DOCK6: variants seen among roughly 807,000 people sequenced by gnomAD.
DOCK6 encodes the protein dedicator of cytokinesis protein 6.
A neutral mutation model predicts 230.3 loss-of-function variants in DOCK6; 167 were observed. The ratio of observed to expected loss-of-function variants is 0.73; its 90% CI spans 0.64 to 0.82. The LOEUF (loss-of-function observed/expected upper bound fraction) is 0.82. DOCK6 is among the 40% of genes least tolerant of loss of function. The pLI is 0.00. For missense variants in DOCK6, 2,598 were observed against 2,825.8 expected (o/e 0.92, Z 1.83); for synonymous variants, 1,148 against 1,185.0 (o/e 0.97, Z 0.64).
At chr19:11,224,841 G>A (rs936738581) in intron 24 of DOCK6, among the ~76,000 whole-genome samples, 2 of 151,996 alleles carry the variant, frequency 1.3e-5, no homozygotes, top group Non-Finnish European at 2.9e-5. Flanking sequence ...GAGGTGGGTG[G>A]ATCACAGGGT....
rs768015409 is a variant in DOCK6 at position 11,233,257 on chromosome 19, G to A, written c.2664C>T (p.Leu888=). 14 of 1,613,794 alleles carry A rather than the reference G, an allele frequency of 8.7e-6. No homozygotes were observed. Among genetic ancestry groups the A allele is most frequent in the Admixed American group, 1.7e-5 (1 of 59,996 alleles). ...CATCCACAGAGCCAGGGGCCACGGC[G>A]AGGTCAGGGTTGCTGCTGCTGATGC... The part of the protein sequence containing the change: ...SKSISSSNPD[L]AVAPGSVDDE... The change falls in exon 22 of 48, where the codon CTC becomes CTT. Residue 888 remains leucine, a synonymous_variant. Coordinates refer to ENST00000294618, the MANE Select transcript of DOCK6 (RefSeq NM_020812.4).
Position 11,236,309 on chromosome 19 carries a change from G to A in DOCK6, c.2392+37C>T. The A allele has an allele frequency of 6.6e-7, 1 of 1,513,228 alleles. No homozygotes were observed. Among genetic ancestry groups the A allele is most frequent in the Non-Finnish European group, 8.9e-7 (1 of 1,117,922 alleles). 93.7% of individuals were successfully genotyped at this position (1,513,228 alleles called of 1,614,324 possible). On this transcript the variant is annotated intron_variant, in intron 20 of 47. Transcript: ENST00000294618. The surrounding 1 kb of genome is among the most constrained non-coding windows in gnomAD (Gnocchi z 5.2). ...GACCTCAGGACTGAGAAGCCATGTG[G>A]ATGGGGAAACTGAGGTCTGAGGCCA...
Position 11,209,034 on chromosome 19 carries a change from G to A in DOCK6, c.4821C>T (p.His1607=), listed in dbSNP as rs746168696. Residue 1607 remains histidine, a synonymous_variant, in exon 38 of 48, where the codon CAC becomes CAT. Transcript: ENST00000294618. ...LTWLQNMAGK[H]AELGNHAEAA... is the part of the protein sequence containing the mutation. ...CCTCGGCGTGGTTGCCCAGCTCCGC[G>A]TGCTTCCCGGCCATGTTCTGCAACC... 1.2e-5 allele frequency: 20 copies of A among 1,611,964 alleles called. No homozygotes were observed. Among genetic ancestry groups the A allele is most frequent in the South Asian group, 5.5e-5 (5 of 90,982 alleles).
intron 24 of DOCK6, among the ~76,000 whole-genome samples, chr19:11,225,028 C>T (rs1163124353): frequency 2.6e-5 from 4 of 151,666 alleles, no homozygotes; most frequent in African/African-American, 9.7e-5. Flanking sequence ...TGCGCCACTG[C>T]ACTCCCGCCT....
intron 1 of DOCK6, among the ~76,000 whole-genome samples, chr19:11,261,590 T>TG (rs1056319389): frequency 2.0e-5 from 3 of 152,100 alleles, no homozygotes; most frequent in African/African-American, 7.2e-5. Flanking sequence ...CCCCGCCAAC[T>TG]GGGGGCGAGG....
rs775046416 is a variant in DOCK6, at chr19:11,222,685, G to A, written c.3240+50C>T. ...AGGGAACCATAGGAGATGGACTGAA[G>A]GTGAGAGGTTGTAGGTCAAAGAGAG... On this transcript the variant is annotated intron_variant, in intron 26 of 47. Transcript: ENST00000294618. This position sits in a 1 kb window ranked among gnomAD's most constrained non-coding sequence, Gnocchi z 4.0. 1 of 1,510,394 alleles carries A rather than the reference G, an allele frequency of 6.6e-7. No individual in the cohort carries two copies. Among genetic ancestry groups the A allele is most frequent in the Non-Finnish European group, 8.9e-7 (1 of 1,117,770 alleles). 93.6% of individuals were successfully genotyped at this position (1,510,394 alleles called of 1,614,324 possible). A position where few individuals can be genotyped will look rare whatever the true frequency, so the allele number is the denominator to read the frequency against.
At position 11,222,460 on chromosome 19, in the gene DOCK6, C is replaced by T. The variant is rs575457405; in HGVS notation, c.3241-212G>A. 63 of 757,282 alleles carry T rather than the reference C, an allele frequency of 8.3e-5. No homozygotes were observed. The South Asian group carries it at 8.7e-4, about 10-fold the overall frequency. 46.9% of individuals were successfully genotyped at this position (757,282 alleles called of 1,614,324 possible). ...AACCCATCTGTGATGTAACAGGGCA[C>T]GGAGTCAAAAGTCAGAGGACTGAGA... is the stretch of plus-strand genomic sequence containing the variant. On this transcript the variant is annotated intron_variant, in intron 26 of 47. Transcript: ENST00000294618. This position sits in a 1 kb window ranked among gnomAD's most constrained non-coding sequence, Gnocchi z 4.0.
chr19:11,212,865 CTT>C (rs34049310), intron 35 of DOCK6, among the ~76,000 whole-genome samples: 338 of 104,438 alleles, frequency 3.2e-3, no homozygotes, highest in Admixed American at 7.5e-3. Context: ...GTGCCTGGCC[CTT>C]TTTTTTTTTT....
intron 24 of DOCK6, among the ~76,000 whole-genome samples, chr19:11,224,234 G>A (rs954224862): frequency 3.4e-5 from 4 of 117,070 alleles, no homozygotes; most frequent in Middle Eastern, 3.9e-3. Context: ...TTTTTGAGAC[G>A]GAGTCTTGCT....
intron 14 of DOCK6, chr19:11,239,985 G>A (rs913309382): frequency 3.2e-6 from 5 of 1,553,128 alleles, no homozygotes; most frequent in Non-Finnish European, 4.4e-6. Context: ...CCAAAGAGGA[G>A]TTCGTGTCTA....
Position 11,235,714 on chromosome 19 carries a change from C to T in DOCK6, c.2438G>A (p.Ser813Asn), listed in dbSNP as rs2147825409. 1.3e-6 allele frequency: 2 copies of T among 1,599,916 alleles called. No homozygotes were observed. Among genetic ancestry groups the T allele is most frequent in the Middle Eastern group, 1.7e-4 (1 of 6,048 alleles). ...TGCCTCCAGGCTCCGGTGAACAAGG[C>T]TGACTACATGGGCCATTGCTTCAAA... ...GAFEAMAHVVSLVHRSLEAAQ... is the reference protein window; with the variant it reads ...GAFEAMAHVVNLVHRSLEAAQ... The change falls in exon 21 of 48, where the codon AGC becomes AAC. Residue 813 changes from serine (S) to asparagine (N), a missense_variant. Physicochemically the swap from Ser to Asn is conservative, Grantham distance 46 (BLOSUM62 1). Coordinates refer to ENST00000294618, the MANE Select transcript of DOCK6 (RefSeq NM_020812.4).
At chr19:11,259,331 A>T (rs901674457) in intron 1 of DOCK6, among the ~76,000 whole-genome samples, 15 of 151,998 alleles carry the variant, frequency 9.9e-5, no homozygotes, top group Admixed American at 9.2e-4. Context: ...CCTGGCCCAA[A>T]ATTTGTAGTT....
chr19:11,236,528 C>A lies in DOCK6; in HGVS notation c.2210G>T (p.Gly737Val). The A allele has an allele frequency of 1.2e-6, 2 of 1,604,028 alleles. No homozygotes were observed. Among genetic ancestry groups the A allele is most frequent in the Non-Finnish European group, 1.7e-6 (2 of 1,175,644 alleles). The change falls in exon 20 of 48, where the codon GGA becomes GTA. Residue 737 changes from glycine to valine, a missense_variant. Gly to Val is a moderately radical substitution (Grantham distance 109, BLOSUM62 -3). Coordinates refer to ENST00000294618, the MANE Select transcript of DOCK6 (RefSeq NM_020812.4). The surrounding 1 kb of genome is among the most constrained non-coding windows in gnomAD (Gnocchi z 5.2). ...FFTLVHVLEE[G>V]AFPFRLKDTV... Reference sequence around the variant, plus strand: ...GTCCTTGAGCCGGAATGGGAAGGCTCCCTCCTCCAGGACGTGCACCAGGGT... The same window carrying A: ...GTCCTTGAGCCGGAATGGGAAGGCTACCTCCTCCAGGACGTGCACCAGGGT...
At chr19:11,249,882 G>A (rs1320714114) in intron 6 of DOCK6, among the ~76,000 whole-genome samples, 18 of 105,402 alleles carry the variant, frequency 1.7e-4, no homozygotes, top group African/African-American at 5.6e-4. Context: ...TGGGCGACAA[G>A]AGCGAGACTC....
At chr19:11,231,553 A>G (rs1037080919) in intron 22 of DOCK6, among the ~76,000 whole-genome samples, 2 of 152,156 alleles carry the variant, frequency 1.3e-5, no homozygotes, top group Admixed American at 1.3e-4. Flanking sequence ...CTCAGCCCTA[A>G]CTCAAGCACA....
At chr19:11,250,585 C>A (rs1445313508) in intron 6 of DOCK6, among the ~76,000 whole-genome samples, 2 of 152,070 alleles carry the variant, frequency 1.3e-5, no homozygotes, top group Admixed American at 6.5e-5. Context: ...GCTGGGATTA[C>A]GGGCATGAGC....
intron 1 of DOCK6, among the ~76,000 whole-genome samples, chr19:11,260,882 CA>C (rs59900669): frequency 4.4e-4 from 27 of 61,746 alleles, no homozygotes; most frequent in South Asian, 8.6e-4. Flanking sequence ...GACTCTGTCT[CA>C]AAAAAAAAAA....
intron 13 of DOCK6, among the ~76,000 whole-genome samples, chr19:11,242,835 C>T (rs1336042370): frequency 1.3e-5 from 2 of 152,158 alleles, no homozygotes; most frequent in Non-Finnish European, 2.9e-5. Context: ...CCCTGCCTGC[C>T]CCGCTGCCAT....
In DOCK6 at chr19:11,215,915, A is replaced by C; in HGVS notation, c.3907T>G (p.Phe1303Val). ...AATGTGAGGCTGTTGATGCGTTCAA[A>C]GGCCTTTTTCCCCTGGGGGTGCAGA... is the stretch of plus-strand genomic sequence containing the variant. ...AAFEYKGKKA[F>V]ERINSLTFKK... Residue 1303 changes from phenylalanine to valine, a missense_variant, in exon 31 of 48, where the codon TTT (phenylalanine) becomes GTT (valine). Physicochemically the swap from Phe to Val is conservative, Grantham distance 50. Coordinates refer to ENST00000294618, the MANE Select transcript of DOCK6 (RefSeq NM_020812.4). The C allele has an allele frequency of 6.2e-7, 1 of 1,613,798 alleles. No individual in the cohort carries two copies. Among genetic ancestry groups the C allele is most frequent in the Non-Finnish European group, 8.5e-7 (1 of 1,179,830 alleles).
Sources: gnomAD v4.1 joint callset for allele counts (sites outside exome capture counted in the v4.1 genomes callset) on GRCh38, gnomAD v4.1.1 for gene constraint, Gnocchi (gnomAD v3.1) non-coding constraint, MANE v1.5 for transcripts, NCBI Gene and HGNC (gene_info 2026-07-23, HGNC 2026-07-21) for gene names.